ERN1: variants seen among roughly 807,000 people sequenced by gnomAD.
ERN1 encodes endoplasmic reticulum to nucleus signaling 1, also known as serine/threonine-protein kinase/endoribonuclease IRE1.
Under a neutral mutation model 113.1 loss-of-function variants are expected in ERN1, and 39 were observed. The ratio of observed to expected loss-of-function variants is 0.34; its 90% CI spans 0.27 to 0.45. ERN1 has a LOEUF of 0.45. ERN1 is among the 20% of genes least tolerant of loss of function. ERN1 has a pLI of 1.00. For missense variants in ERN1, 976 were observed against 1,274.8 expected (o/e 0.77, Z 3.57); for synonymous variants, 507 against 515.9 (o/e 0.98, Z 0.23).
At chr17:64,091,898 T>G (rs573952160) in intron 2 of ERN1, among the ~76,000 whole-genome samples, 20 of 152,304 alleles carry the variant, frequency 1.3e-4, no homozygotes, top group African/African-American at 3.6e-4. Flanking sequence ...CAACCCATCA[T>G]GGATGATGCT....
chr17:64,088,809 G>A (rs1277320750), intron 2 of ERN1, among the ~76,000 whole-genome samples: 2 of 152,116 alleles, frequency 1.3e-5, no homozygotes, highest in Non-Finnish European at 2.9e-5. Context: ...AAAGGCAGCC[G>A]GCCCCAAGCA....
intron 1 of ERN1, among the ~76,000 whole-genome samples, chr17:64,128,488 T>C (rs917951834): frequency 6.6e-6 from 1 of 152,168 alleles, no homozygotes; most frequent in Non-Finnish European, 1.5e-5. Context: ...TTAGCCTAAG[T>C]TATTCAATAA....
intron 5 of ERN1, 159 bp downstream of exon 5, chr17:64,075,016 T>C: frequency 1.6e-6 from 1 of 620,582 alleles, no homozygotes; most frequent in Non-Finnish European, 2.8e-6. Flanking sequence ...CCTTTCTTAA[T>C]TGGTCAGCTG....
chr17:64,056,682 C>T (rs1275588647), intron 12 of ERN1, among the ~76,000 whole-genome samples: 1 of 152,212 alleles, frequency 6.6e-6, no homozygotes, highest in East Asian at 1.9e-4. Context: ...GAGCCACCAA[C>T]CCACCAGGGA....
In ERN1 at chr17:64,055,771, G is replaced by C. The variant is rs1912845342; in HGVS notation, c.1576C>G (p.Pro526Ala). Residue 526 changes from proline (P) to alanine (A), a missense_variant, in exon 13 of 22, where the codon CCC becomes GCC. Pro to Ala is a conservative substitution (Grantham distance 27). Coordinates refer to ENST00000433197, the MANE Select transcript of ERN1 (RefSeq NM_001433.5). ...TTGGAGGCCCTGGGGGACGTGCTGG[G>C]GCTGCTGGTGCCCGAGCTCTCTGAG... ...PYSESSGTSS[P>A]STSPRASNHS... 3 of 1,606,882 alleles carry C rather than the reference G, an allele frequency of 1.9e-6. No individual in the cohort carries two copies. The highest frequency in any genetic ancestry group is 2.5e-6 in the Non-Finnish European group (3 of 1,177,194).
rs940956801 is a variant in ERN1, at chr17:64,041,020, C to T, written c.*2968G>A. 5 of 152,060 alleles carry T rather than the reference C, an allele frequency of 3.3e-5. No individual in the cohort carries two copies. The highest frequency in any genetic ancestry group is 7.3e-5 in the Non-Finnish European group (5 of 68,038). The allele number at this position is 152,060 out of a possible 1,614,324, so 9.4% of individuals were successfully genotyped here. A position where few individuals can be genotyped will look rare whatever the true frequency, so the allele number is the denominator to read the frequency against. Reference sequence around the variant, plus strand: ...AAAATTAGCCGAGCGTGGTGGCACACACCTGTAATCCCAGCTACTCGGGAG... The same window carrying T: ...AAAATTAGCCGAGCGTGGTGGCACATACCTGTAATCCCAGCTACTCGGGAG... On this transcript the variant is annotated 3_prime_UTR_variant, in exon 22 of 22. Transcript: ENST00000433197.
At chr17:64,069,673 T>C (rs1913347911) in intron 6 of ERN1, among the ~76,000 whole-genome samples, 1 of 152,298 alleles carries the variant, frequency 6.6e-6, no homozygotes, top group Middle Eastern at 3.4e-3. Context: ...TGAGTGAACA[T>C]GTTTACTGCA....
chr17:64,101,237 C>T lies in ERN1; in HGVS notation c.55-2996G>A, dbSNP rs148591692. ...CAGCCTGGCCAACATGGCGAAACCT[C>T]GTCTCTACTAAAAATACAAAAATTA... On this transcript the variant is annotated intron_variant, in intron 1 of 21. Coordinates refer to ENST00000433197, the MANE Select transcript of ERN1 (RefSeq NM_001433.5). Among the ~76,000 whole-genome samples the T allele has an allele frequency of 4.7e-3, 709 of 152,204 alleles. 4 individuals carry two copies. Among genetic ancestry groups the T allele is most frequent in the African/African-American group, 0.016 (671 of 41,534 alleles).
At position 64,054,149 on chromosome 17, in the gene ERN1, A is replaced by C. The variant is rs949968444; in HGVS notation, c.1953+101T>G. 1.4e-5 allele frequency: 15 copies of C among 1,071,934 alleles called. No homozygotes were observed. The African/African-American group carries it at 1.6e-4, about 11-fold the overall frequency. 66.4% of individuals were successfully genotyped at this position (1,071,934 alleles called of 1,614,324 possible). A position where few individuals can be genotyped will look rare whatever the true frequency, so the allele number is the denominator to read the frequency against. On this transcript the variant is annotated intron_variant, in intron 15 of 21. Coordinates refer to ENST00000433197, the MANE Select transcript of ERN1 (RefSeq NM_001433.5). This position sits in a 1 kb window ranked among gnomAD's most constrained non-coding sequence, Gnocchi z 4.9. The stretch of plus-strand genomic sequence containing the variant: ...GAGATGGGGTTTCACCATGTTGTCC[A>C]GGCTGGTCTCAAACTCCTGAGCTCA...
intron 2 of ERN1, among the ~76,000 whole-genome samples, chr17:64,093,660 T>C (rs1187753697): frequency 1.3e-5 from 2 of 152,084 alleles, no homozygotes; most frequent in African/African-American, 2.4e-5. Context: ...AGGACACTCA[T>C]CCATCCTAAG....
chr17:64,061,258 G>A (rs1369776652), intron 10 of ERN1, among the ~76,000 whole-genome samples: 3 of 152,218 alleles, frequency 2.0e-5, no homozygotes, highest in African/African-American at 7.2e-5. Context: ...ATAGGGAACT[G>A]GGATTTGATA....
chr17:64,086,765 G>A (rs959405407), intron 2 of ERN1, among the ~76,000 whole-genome samples: 2 of 144,208 alleles, frequency 1.4e-5, no homozygotes, highest in Non-Finnish European at 3.0e-5. Context: ...TCCTGCCTCA[G>A]CCTACCGAGT....
At chr17:64,074,302 C>A (rs912842730) in intron 5 of ERN1, among the ~76,000 whole-genome samples, 2 of 152,120 alleles carry the variant, frequency 1.3e-5, no homozygotes, top group Admixed American at 1.3e-4. Flanking sequence ...GAATTGCTGG[C>A]AAAAGCTGGA....
chr17:64,043,483 C>T lies in ERN1; in HGVS notation c.*505G>A, dbSNP rs196911. The T allele has an allele frequency of 0.95, 145,716 of 153,240 alleles. 69,705 individuals carry two copies. The highest frequency in any genetic ancestry group is 1 in the East Asian group (5,304 of 5,304). 9.5% of individuals were successfully genotyped at this position (153,240 alleles called of 1,614,324 possible). On this transcript the variant is annotated 3_prime_UTR_variant, in exon 22 of 22. Coordinates refer to ENST00000433197, the MANE Select transcript of ERN1 (RefSeq NM_001433.5). The stretch of plus-strand genomic sequence containing the variant: ...CATCTGTGATCAATGAGAAATCTCA[C>T]ACTGCAGGACGACACCCTCTGAACT...
At chr17:64,070,389 T>G (rs546688481) in intron 6 of ERN1, among the ~76,000 whole-genome samples, 2 of 152,336 alleles carry the variant, frequency 1.3e-5, no homozygotes, top group South Asian at 4.1e-4. Flanking sequence ...ACATTCCACC[T>G]CATGCATATC....
At chr17:64,045,734 G>A (rs374683001) in intron 19 of ERN1, among the ~76,000 whole-genome samples, 1 of 152,080 alleles carries the variant, frequency 6.6e-6, no homozygotes, top group East Asian at 1.9e-4. Context: ...TATAGACCAC[G>A]AACGCATACC....
intron 1 of ERN1, among the ~76,000 whole-genome samples, chr17:64,118,298 G>GA (rs1489965236): frequency 6.6e-6 from 1 of 152,204 alleles, no homozygotes; most frequent in East Asian, 1.9e-4. Flanking sequence ...CTCACTTGCT[G>GA]AAAGAATGCA....
intron 10 of ERN1, among the ~76,000 whole-genome samples, chr17:64,062,296 T>C (rs1351559457): frequency 6.6e-6 from 1 of 152,272 alleles, no homozygotes; most frequent in Non-Finnish European, 1.5e-5. Flanking sequence ...GCTAATTGGA[T>C]CCTTGTATTT....
chr17:64,056,845 G>A (rs1158312642), intron 12 of ERN1, among the ~76,000 whole-genome samples: 1 of 152,210 alleles, frequency 6.6e-6, no homozygotes, highest in Non-Finnish European at 1.5e-5. Flanking sequence ...GACTGAGTGA[G>A]GTGAAAAGTG....
Sources: gnomAD v4.1 joint callset for allele counts (sites outside exome capture counted in the v4.1 genomes callset) on GRCh38, gnomAD v4.1.1 for gene constraint, Gnocchi (gnomAD v3.1) non-coding constraint, MANE v1.5 for transcripts, NCBI Gene and HGNC (gene_info 2026-07-23, HGNC 2026-07-21) for gene names.